HMBOX1: variants seen among roughly 807,000 people sequenced by gnomAD.
HMBOX1 encodes the protein homeobox-containing protein 1.
HMBOX1 carries 14 observed loss-of-function variants against 54.5 expected under a neutral mutation model. The ratio of observed to expected loss-of-function variants is 0.26; its 90% CI spans 0.17 to 0.40. HMBOX1 has a LOEUF of 0.40. HMBOX1 is among the 10% of genes least tolerant of loss of function. The probability of loss-of-function intolerance (pLI) is 1.00; values close to 1 mark genes in which losing one functional copy is unlikely to be tolerated. For synonymous variants in HMBOX1, 160 were observed against 181.0 expected (o/e 0.88, Z 0.93); for missense variants, 332 against 514.4 (o/e 0.65, Z 3.43).
chr8:28,943,708 C>T (rs918513720), intron 1 of HMBOX1, among the ~76,000 whole-genome samples: 5 of 152,154 alleles, frequency 3.3e-5, no homozygotes, highest in African/African-American at 1.2e-4. Context: ...AATTATGTCT[C>T]TTTCACAGTA....
intron 1 of HMBOX1, among the ~76,000 whole-genome samples, chr8:28,917,461 C>T (rs1202170767): frequency 6.6e-6 from 1 of 151,866 alleles, no homozygotes; most frequent in Non-Finnish European, 1.5e-5. Context: ...TTTCTAGAAA[C>T]CTTAAGATTT....
chr8:28,935,279 T>C (rs545031857), intron 1 of HMBOX1, among the ~76,000 whole-genome samples: 3 of 152,340 alleles, frequency 2.0e-5, no homozygotes, highest in Non-Finnish European at 4.4e-5. Context: ...GTCTGTCATT[T>C]ATATGGAAAT....
chr8:29,023,297 C>T (rs1801486225), intron 6 of HMBOX1, among the ~76,000 whole-genome samples: 1 of 152,120 alleles, frequency 6.6e-6, no homozygotes, highest in Non-Finnish European at 1.5e-5. Context: ...AAAAAACAGC[C>T]TTAATGAGAT....
In HMBOX1 at chr8:29,053,179, T is replaced by C. The variant is rs996306699; in HGVS notation, c.*2024T>C. ...GCCACCTTATATATGTCTGTGACTT[T>C]AAAGAGCTATATGCAGGGCCTGGTC... On this transcript the variant is annotated 3_prime_UTR_variant, in exon 10 of 10. Transcript: ENST00000287701. 1.3e-5 allele frequency: 2 copies of C among 152,268 alleles called. No homozygotes were observed. Among genetic ancestry groups the C allele is most frequent in the Non-Finnish European group, 2.9e-5 (2 of 68,036 alleles). The allele number at this position is 152,268 out of a possible 1,614,324, so 9.4% of individuals were successfully genotyped here.
chr8:29,046,695 T>C (rs532719309), intron 7 of HMBOX1, among the ~76,000 whole-genome samples: 50 of 152,378 alleles, frequency 3.3e-4, no homozygotes, highest in African/African-American at 1.2e-3. Context: ...GAATAACTTA[T>C]CTTGGGTTGT....
chr8:28,975,361 G>C (rs963357848), intron 3 of HMBOX1, among the ~76,000 whole-genome samples: 6 of 152,208 alleles, frequency 3.9e-5, no homozygotes, highest in African/African-American at 1.4e-4. Context: ...TAGCTTTGAA[G>C]ATCAGGGAGA....
At chr8:29,034,329 G>A (rs556196995) in intron 6 of HMBOX1, among the ~76,000 whole-genome samples, 29 of 152,212 alleles carry the variant, frequency 1.9e-4, no homozygotes, top group East Asian at 3.9e-4. Context: ...TTGACACGTC[G>A]TCCATGAAAT....
chr8:29,023,401 A>G (rs1191776993), intron 6 of HMBOX1, among the ~76,000 whole-genome samples: 1 of 152,142 alleles, frequency 6.6e-6, no homozygotes, highest in Non-Finnish European at 1.5e-5. Flanking sequence ...GAACATGTTT[A>G]TCAGCTCCCT....
At chr8:28,894,528 A>T (rs1241707048) in intron 1 of HMBOX1, among the ~76,000 whole-genome samples, 1 of 152,204 alleles carries the variant, frequency 6.6e-6, no homozygotes, top group Non-Finnish European at 1.5e-5. Flanking sequence ...GAAGCTATTG[A>T]TATTGAAAGT....
chr8:28,893,863 C>T (rs1476867154), intron 1 of HMBOX1, among the ~76,000 whole-genome samples: 1 of 152,116 alleles, frequency 6.6e-6, no homozygotes, highest in Non-Finnish European at 1.5e-5. Flanking sequence ...TTTAGGGCTC[C>T]CGTGCAATTT....
intron 9 of HMBOX1, chr8:29,049,489 T>C: frequency 2.1e-6 from 3 of 1,453,978 alleles, no homozygotes; most frequent in Non-Finnish European, 2.7e-6. Flanking sequence ...CAGGGCACGA[T>C]GGAAGGCCCC....
chr8:29,045,336 G>A, intron 6 of HMBOX1, 25 bp from the exon 7 acceptor site: 1 of 1,583,160 alleles, frequency 6.3e-7, no homozygotes, highest in Non-Finnish European at 8.7e-7. Flanking sequence ...TAAAAACTTT[G>A]TGTCTGTATC....
At chr8:28,928,878 A>G (rs1563407297) in intron 1 of HMBOX1, among the ~76,000 whole-genome samples, 1 of 152,184 alleles carries the variant, frequency 6.6e-6, no homozygotes, top group Non-Finnish European at 1.5e-5. Context: ...GGAAAGTTGA[A>G]CTCATAGAAA....
Position 29,051,132 on chromosome 8 carries a change from A to G in HMBOX1, c.1240A>G (p.Thr414Ala). The part of the protein sequence containing the change: ...LARQGANEIK[T>A]EALDDD Reference sequence around the variant, plus strand: ...CCGACAAGGAGCCAACGAAATCAAGACAGAGGCCCTGGATGATGACTGATC... The same window carrying G: ...CCGACAAGGAGCCAACGAAATCAAGGCAGAGGCCCTGGATGATGACTGATC... Residue 414 changes from threonine (T) to alanine (A), a missense_variant, in exon 10 of 10, where the codon ACA becomes GCA. By Grantham distance (58) the Thr-to-Ala change is moderately conservative. Coordinates refer to ENST00000287701, the MANE Select transcript of HMBOX1 (RefSeq NM_001135726.3). The G allele has an allele frequency of 6.2e-7, 1 of 1,614,040 alleles. No homozygotes were observed. Among genetic ancestry groups the G allele is most frequent in the Non-Finnish European group, 8.5e-7 (1 of 1,180,014 alleles).
intron 1 of HMBOX1, among the ~76,000 whole-genome samples, chr8:28,940,707 C>G (rs539589312): frequency 1.3e-5 from 2 of 152,262 alleles, no homozygotes; most frequent in African/African-American, 2.4e-5. Flanking sequence ...CCAACTGATA[C>G]GTAATTTATC....
At chr8:29,012,783 G>A (rs1452526778) in intron 5 of HMBOX1, among the ~76,000 whole-genome samples, 1 of 152,124 alleles carries the variant, frequency 6.6e-6, no homozygotes, top group African/African-American at 2.4e-5. Flanking sequence ...TGCCTTGTAA[G>A]ATTAAAAAGA....
At chr8:29,039,722 C>A (rs1456819103) in intron 6 of HMBOX1, among the ~76,000 whole-genome samples, 2 of 152,068 alleles carry the variant, frequency 1.3e-5, no homozygotes, top group African/African-American at 4.8e-5. Context: ...ACTACTATGT[C>A]CTCCTTGTCA....
intron 1 of HMBOX1, among the ~76,000 whole-genome samples, chr8:28,933,018 C>T (rs1819726946): frequency 6.6e-6 from 1 of 152,130 alleles, no homozygotes; most frequent in African/African-American, 2.4e-5. Flanking sequence ...GTCATATAAC[C>T]TCATTTTTGT....
intron 1 of HMBOX1, among the ~76,000 whole-genome samples, chr8:28,913,134 C>G (rs1286864247): frequency 6.6e-6 from 1 of 152,194 alleles, no homozygotes; most frequent in African/African-American, 2.4e-5. Context: ...ACTGTAAAAT[C>G]TCCTAATGAC....
Sources: gnomAD v4.1 joint callset for allele counts (sites outside exome capture counted in the v4.1 genomes callset) on GRCh38, gnomAD v4.1.1 for gene constraint, MANE v1.5 for transcripts, NCBI Gene and HGNC (gene_info 2026-07-23, HGNC 2026-07-21) for gene names.